ZZEF1: variants seen among roughly 807,000 people sequenced by gnomAD.
ZZEF1 encodes the protein zinc finger ZZ-type and EF-hand domain-containing protein 1.
In ZZEF1, 157 loss-of-function variants were observed where a neutral mutation model predicts 342.8. The observed-to-expected ratio is 0.46, with a 90% CI of 0.40 to 0.52. The LOEUF (loss-of-function observed/expected upper bound fraction) is 0.52, where lower values mean the gene tolerates loss of function less well. Ranked by LOEUF, ZZEF1 falls within the 20% of genes least tolerant of loss-of-function variation. The pLI is 0.00. For synonymous variants in ZZEF1, 1,505 were observed against 1,429.1 expected (o/e 1.05, Z -1.20); for missense variants, 3,480 against 3,725.6 (o/e 0.93, Z 1.72).
In ZZEF1 at chr17:4,072,622, G is replaced by A. The variant is rs199850754; in HGVS notation, c.3820C>T (p.Arg1274Trp). The change falls in exon 25 of 55, where the codon CGG becomes TGG. Residue 1274 changes from arginine to tryptophan, a missense_variant. Transcript: ENST00000381638. ...AGAGTAAATACCTCCTTACTATTCC[G>A]GTGTGGGTGAGTGGGCCAGCTTGCT... ...LEASWPTHPHRNSKEVKNIPD... is the reference protein window; with the variant it reads ...LEASWPTHPHWNSKEVKNIPD... The A allele has an allele frequency of 1.7e-5, 28 of 1,612,424 alleles. No homozygotes were observed. Among genetic ancestry groups the A allele is most frequent in the East Asian group, 4.5e-5 (2 of 44,848 alleles).
rs192959360 is a variant in ZZEF1 at position 4,053,372 on chromosome 17, T to A, written c.5434+685A>T. On this transcript the variant is annotated intron_variant, in intron 34 of 54. Transcript: ENST00000381638. The stretch of plus-strand genomic sequence containing the variant: ...TGCTATGCCCTTGATGGTGATACCA[T>A]CCCCAACGTTTCCTACACATCATCC... Among the ~76,000 whole-genome samples, 224 of 152,314 alleles carry A rather than the reference T, an allele frequency of 1.5e-3. 1 individual carries two copies. The highest frequency in any genetic ancestry group is 5.0e-3 in the African/African-American group (209 of 41,562).
At chr17:4,018,107 GC>G in intron 46 of ZZEF1, 136 bp from the exon 47 acceptor site, 5 of 1,176,236 alleles carry the variant, frequency 4.3e-6, no homozygotes, top group Non-Finnish European at 6.0e-6. Context: ...TCCGTGTTTT[GC>G]CAACTGGATT....
intron 5 of ZZEF1, among the ~76,000 whole-genome samples, chr17:4,110,828 C>T (rs1010458493): frequency 6.6e-6 from 1 of 151,388 alleles, no homozygotes; most frequent in East Asian, 1.9e-4. Flanking sequence ...GATTCTCCTG[C>T]CTCAGCCTCC....
rs148405706 is a variant in ZZEF1 at position 4,107,382 on chromosome 17, TG to T, written c.1278-1574del. ...GATGGGACTGTGCAGTGCAGACATTTGTATGTGTCTGGGGAGTAAGGGGGAG... is the reference window on the plus strand; with the variant it reads ...GATGGGACTGTGCAGTGCAGACATTTTATGTGTCTGGGGAGTAAGGGGGAG... On this transcript the variant is annotated intron_variant, in intron 6 of 54. Transcript: ENST00000381638. Among the ~76,000 whole-genome samples, 1,291 of 152,226 alleles carry T rather than the reference TG, an allele frequency of 8.5e-3. 16 individuals are homozygous for T. The highest frequency in any genetic ancestry group is 0.03 in the African/African-American group (1,232 of 41,530).
At chr17:4,138,291 G>A (rs1027818187) in intron 1 of ZZEF1, among the ~76,000 whole-genome samples, 4 of 152,160 alleles carry the variant, frequency 2.6e-5, no homozygotes, top group South Asian at 2.1e-4. Context: ...CTACGGCACA[G>A]TTCCTGGGCT....
At chr17:4,103,612 C>T (rs1043417341) in intron 8 of ZZEF1, among the ~76,000 whole-genome samples, 5 of 152,040 alleles carry the variant, frequency 3.3e-5, no homozygotes, top group South Asian at 2.1e-4. Flanking sequence ...CACACTAAGA[C>T]GAAGGTAGAA....
At chr17:4,091,202 T>C (rs561773316) in intron 11 of ZZEF1, among the ~76,000 whole-genome samples, 2 of 152,348 alleles carry the variant, frequency 1.3e-5, no homozygotes, top group East Asian at 3.9e-4. Context: ...GGCTTGGTTT[T>C]CTTTCCCTAG....
intron 52 of ZZEF1, among the ~76,000 whole-genome samples, chr17:4,010,588 G>C (rs2055921009): frequency 6.6e-6 from 1 of 151,550 alleles, no homozygotes; most frequent in African/African-American, 2.4e-5. Context: ...AGCTGAGCGT[G>C]GTGGTGGGCG....
intron 39 of ZZEF1, among the ~76,000 whole-genome samples, chr17:4,035,969 T>G (rs781828): frequency 0.52 from 78,530 of 151,294 alleles, 22,432 homozygotes; most frequent in African/African-American, 0.78. Context: ...GTGTAGTGGT[T>G]GGCGCCTGTA....
intron 30 of ZZEF1, among the ~76,000 whole-genome samples, chr17:4,060,071 A>C (rs2057251552): frequency 6.6e-6 from 1 of 151,864 alleles, no homozygotes; most frequent in Non-Finnish European, 1.5e-5. Flanking sequence ...GCAAACACTA[A>C]CTCCCGTGTC....
chr17:4,141,848 G>C (rs2058856569), intron 1 of ZZEF1, among the ~76,000 whole-genome samples: 1 of 152,136 alleles, frequency 6.6e-6, no homozygotes, highest in Non-Finnish European at 1.5e-5. Flanking sequence ...TGCCTTCCAA[G>C]GAAAATATTT....
chr17:4,138,286 G>C (rs1330664808), intron 1 of ZZEF1, among the ~76,000 whole-genome samples: 1 of 152,138 alleles, frequency 6.6e-6, no homozygotes, highest in Non-Finnish European at 1.5e-5. Flanking sequence ...GATTCCTACG[G>C]CACAGTTCCT....
At chr17:4,041,006 T>C (rs2145106841) in intron 39 of ZZEF1, among the ~76,000 whole-genome samples, 1 of 152,242 alleles carries the variant, frequency 6.6e-6, no homozygotes, top group East Asian at 1.9e-4. Context: ...CAGAAATCAG[T>C]CATGGCTATT....
Position 4,082,347 on chromosome 17 carries a change from T to C in ZZEF1, c.2714+90A>G, listed in dbSNP as rs1050791982. On this transcript the variant is annotated intron_variant, in intron 17 of 54. Coordinates refer to ENST00000381638, the MANE Select transcript of ZZEF1 (RefSeq NM_015113.4). ...TAACTGAGTGGCAGGAAGTACTACTTCGAAGGCACATGAAAGGAAGGGCAA... is the reference window on the plus strand; with the variant it reads ...TAACTGAGTGGCAGGAAGTACTACTCCGAAGGCACATGAAAGGAAGGGCAA... The C allele has an allele frequency of 1.0e-5, 13 of 1,274,540 alleles. No individual in the cohort carries two copies. The African/African-American group carries it at 1.5e-4, about 15-fold the overall frequency. The allele number at this position is 1,274,540 out of a possible 1,614,324, so 79.0% of individuals were successfully genotyped here.
At chr17:4,094,322 C>CA (rs1555604836) in intron 11 of ZZEF1, among the ~76,000 whole-genome samples, 3 of 147,674 alleles carry the variant, frequency 2.0e-5, no homozygotes, top group Non-Finnish European at 4.5e-5. Context: ...TTATGTTTTT[C>CA]TTTTTTTTTT....
chr17:4,128,401 G>GA (rs958558511), intron 1 of ZZEF1, among the ~76,000 whole-genome samples: 2 of 146,342 alleles, frequency 1.4e-5, no homozygotes, highest in South Asian at 2.2e-4. Flanking sequence ...ACAATGCAGG[G>GA]AAAATAGAAC....
intron 23 of ZZEF1, 75 bp downstream of exon 23, chr17:4,075,022 A>G: frequency 6.9e-7 from 1 of 1,459,812 alleles, no homozygotes; most frequent in Non-Finnish European, 9.6e-7. Context: ...CCTTACCTCT[A>G]CTGCCCCCTG....
rs138218182 is a variant in ZZEF1 at position 4,087,316 on chromosome 17, C to A, written c.2342+118G>T. ...TCAATAATAACCATATATTTTAAAT[C>A]GAACCATAAACACTGGTAGGAAGTA... On this transcript the variant is annotated intron_variant, in intron 14 of 54. Coordinates refer to ENST00000381638, the MANE Select transcript of ZZEF1 (RefSeq NM_015113.4). 4.3e-3 allele frequency: 2,938 copies of A among 690,676 alleles called. 13 individuals are homozygous for A. The highest frequency in any genetic ancestry group is 5.3e-3 in the Non-Finnish European group (2,223 of 415,666). 42.8% of individuals were successfully genotyped at this position (690,676 alleles called of 1,614,324 possible).
chr17:4,083,987 T>C (rs1234391097), intron 16 of ZZEF1, among the ~76,000 whole-genome samples: 1 of 152,234 alleles, frequency 6.6e-6, no homozygotes, highest in South Asian at 2.1e-4. Context: ...TATAATCATA[T>C]CAAAACAAAT....
Sources: gnomAD v4.1 joint callset for allele counts (sites outside exome capture counted in the v4.1 genomes callset) on GRCh38, gnomAD v4.1.1 for gene constraint, MANE v1.5 for transcripts, NCBI Gene and HGNC (gene_info 2026-07-23, HGNC 2026-07-21) for gene names.